Variants in LTBP1 observed in about 807,000 individuals in gnomAD.
LTBP1 encodes the protein latent transforming growth factor beta binding protein 1.
LTBP1 carries 129 observed loss-of-function variants against 207.6 expected under a neutral mutation model. That is an observed-to-expected ratio of 0.62 (90% CI 0.54 to 0.72). The LOEUF (loss-of-function observed/expected upper bound fraction) is 0.72. Ranked by LOEUF, LTBP1 falls within the 30% of genes least tolerant of loss-of-function variation. LTBP1 has a pLI of 0.00. For synonymous variants in LTBP1, 963 were observed against 833.7 expected (o/e 1.16, Z -2.67); for missense variants, 2,281 against 2,217.2 (o/e 1.03, Z -0.58).
chr2:33,329,121 A>G (rs868596820), intron 24 of LTBP1, among the ~76,000 whole-genome samples: 62 of 152,330 alleles, frequency 4.1e-4, no homozygotes, highest in African/African-American at 1.3e-3. Flanking sequence ...ACCAGTTTAC[A>G]CTGCTACCAG....
chr2:33,089,466 C>G (rs1367551775), intron 3 of LTBP1, among the ~76,000 whole-genome samples: 1 of 152,198 alleles, frequency 6.6e-6, no homozygotes, highest in Non-Finnish European at 1.5e-5. Context: ...GAGGGTCCTA[C>G]TGGCATCTAG....
At chr2:33,192,138 A>C (rs2148909266) in intron 7 of LTBP1, among the ~76,000 whole-genome samples, 1 of 152,308 alleles carries the variant, frequency 6.6e-6, no homozygotes, top group African/African-American at 2.4e-5. Context: ...GTCAGAAGAG[A>C]TCAGAGAAGT....
intron 18 of LTBP1, among the ~76,000 whole-genome samples, chr2:33,279,542 C>T (rs1377997785): frequency 1.3e-5 from 2 of 151,762 alleles, no homozygotes; most frequent in Non-Finnish European, 2.9e-5. Context: ...CAAGGAATTC[C>T]TGTCATATGA....
intron 9 of LTBP1, among the ~76,000 whole-genome samples, chr2:33,225,425 A>C (rs2091377240): frequency 6.6e-6 from 1 of 152,244 alleles, no homozygotes; most frequent in Non-Finnish European, 1.5e-5. Flanking sequence ...TTACAGTTCC[A>C]CATGGCTGGG....
At chr2:33,041,242 A>C (rs1157229869) in intron 3 of LTBP1, among the ~76,000 whole-genome samples, 1 of 152,098 alleles carries the variant, frequency 6.6e-6, no homozygotes. Context: ...TTTTCTAGCT[A>C]GATGGCTATC....
intron 26 of LTBP1, among the ~76,000 whole-genome samples, chr2:33,355,228 T>C (rs1037902731): frequency 1.3e-5 from 2 of 152,086 alleles, no homozygotes; most frequent in South Asian, 4.2e-4. Flanking sequence ...ATGTGCTTCC[T>C]ATTCTGACTC....
At position 33,075,784 on chromosome 2, in the gene LTBP1, C is replaced by T. The variant is rs187827313; in HGVS notation, c.864-34798C>T. On this transcript the variant is annotated intron_variant, in intron 3 of 33. Coordinates refer to ENST00000404816, the MANE Select transcript of LTBP1 (RefSeq NM_206943.4). ...GATATAATCCACACTTTTTAGCACA[C>T]GATGCTATTCTGATAAAAGTCACTT... Among the ~76,000 whole-genome samples the T allele has an allele frequency of 9.8e-5, 15 of 152,296 alleles. No homozygotes were observed. The East Asian group carries it at 2.7e-3, about 27-fold the overall frequency.
chr2:33,067,796 T>C (rs1405561854), intron 3 of LTBP1, among the ~76,000 whole-genome samples: 1 of 152,158 alleles, frequency 6.6e-6, no homozygotes, highest in East Asian at 1.9e-4. Flanking sequence ...GGAACTAATC[T>C]CCCATGGATA....
chr2:32,947,445 G>C lies in LTBP1; in HGVS notation c.121G>C (p.Gly41Arg), dbSNP rs1676347257. ...GCACCCGGGCCCCGGCCTGGCAGCCGGCGCCTTGCCCCTGAGCGGGCCCCC... is the reference window on the plus strand; with the variant it reads ...GCACCCGGGCCCCGGCCTGGCAGCCCGCGCCTTGCCCCTGAGCGGGCCCCC... The part of the protein sequence containing the change: ...VVHPGPGLAA[G>R]ALPLSGPPRS... The change falls in exon 1 of 34, where the codon GGC becomes CGC. Residue 41 changes from glycine (G) to arginine (R), a missense_variant. By Grantham distance (125) the Gly-to-Arg change is moderately radical. Around this residue, in one of 3 missense-constraint regions of LTBP1, gnomAD observed 555 missense variants for 491.0 expected, o/e 1.13. Coordinates refer to ENST00000404816, the MANE Select transcript of LTBP1 (RefSeq NM_206943.4). 3 of 1,443,386 alleles carry C rather than the reference G, an allele frequency of 2.1e-6. No homozygotes were observed. Among genetic ancestry groups the C allele is most frequent in the African/African-American group, 1.5e-5 (1 of 67,588 alleles). The allele number at this position is 1,443,386 out of a possible 1,614,324, so 89.4% of individuals were successfully genotyped here.
chr2:33,118,766 T>C (rs1177745187), intron 4 of LTBP1, among the ~76,000 whole-genome samples: 1 of 152,192 alleles, frequency 6.6e-6, no homozygotes, highest in Admixed American at 6.5e-5. Context: ...CCATGCACGT[T>C]ATCCTGGGTT....
At position 32,947,370 on chromosome 2, in the gene LTBP1, C is replaced by T; in HGVS notation, c.46C>T (p.Leu16Phe). The T allele has an allele frequency of 1.5e-6, 2 of 1,358,872 alleles. No homozygotes were observed. The highest frequency in any genetic ancestry group is 1.7e-5 in the South Asian group (1 of 58,098). The allele number at this position is 1,358,872 out of a possible 1,614,324, so 84.2% of individuals were successfully genotyped here. A position where few individuals can be genotyped will look rare whatever the true frequency, so the allele number is the denominator to read the frequency against. Residue 16 changes from leucine (L) to phenylalanine (F), a missense_variant, in exon 1 of 34, where the codon CTC (leucine) becomes TTC (phenylalanine). Transcript: ENST00000404816. Reference protein sequence around the residue: ...LRWGLLLWAGLLASSAHGRLR... With the variant: ...LRWGLLLWAGFLASSAHGRLR... ...GTGGGGGCTCCTGCTCTGGGCAGGG[C>T]TCCTCGCGTCCTCGGCGCACGGCCG... is the stretch of plus-strand genomic sequence containing the variant.
At chr2:33,060,839 A>G (rs1325842177) in intron 3 of LTBP1, among the ~76,000 whole-genome samples, 1 of 152,194 alleles carries the variant, frequency 6.6e-6, no homozygotes, top group Non-Finnish European at 1.5e-5. Context: ...AACTCATGTT[A>G]TAGTGATTGA....
chr2:33,327,933 C>G (rs1434588663), intron 24 of LTBP1, among the ~76,000 whole-genome samples: 2 of 151,398 alleles, frequency 1.3e-5, no homozygotes, highest in Admixed American at 1.3e-4. Flanking sequence ...GTCAGCAGTT[C>G]GAGACCACCC....
intron 7 of LTBP1, among the ~76,000 whole-genome samples, chr2:33,192,188 T>C (rs1325056380): frequency 6.6e-6 from 1 of 152,182 alleles, no homozygotes; most frequent in Non-Finnish European, 1.5e-5. Flanking sequence ...TGCACAAATA[T>C]TAAGCCTCTT....
chr2:33,074,796 G>A (rs1470675305), intron 3 of LTBP1, among the ~76,000 whole-genome samples: 2 of 151,770 alleles, frequency 1.3e-5, no homozygotes, highest in Admixed American at 6.6e-5. Flanking sequence ...CGTGAACCGA[G>A]GAGGTGGAGG....
At chr2:33,204,284 T>C (rs2089643621) in intron 7 of LTBP1, among the ~76,000 whole-genome samples, 1 of 150,640 alleles carries the variant, frequency 6.6e-6, no homozygotes, top group Admixed American at 6.6e-5. Flanking sequence ...TTCAACAAGG[T>C]CACTGTATGA....
chr2:33,105,951 TC>T (rs1297237897), intron 3 of LTBP1, among the ~76,000 whole-genome samples: 1 of 152,224 alleles, frequency 6.6e-6, no homozygotes, highest in Non-Finnish European at 1.5e-5. Flanking sequence ...AAAATGAAAG[TC>T]AGTCCTCTCA....
At chr2:33,085,547 C>T (rs2078698226) in intron 3 of LTBP1, among the ~76,000 whole-genome samples, 1 of 152,166 alleles carries the variant, frequency 6.6e-6, no homozygotes, top group Non-Finnish European at 1.5e-5. Flanking sequence ...GTAGCAATTA[C>T]TGTGTGTTGA....
intron 31 of LTBP1, among the ~76,000 whole-genome samples, chr2:33,378,572 T>C (rs1230145911): frequency 1.3e-5 from 2 of 152,160 alleles, no homozygotes; most frequent in African/African-American, 2.4e-5. Flanking sequence ...CTTCTTTTTT[T>C]CCTTTTGAAA....
Sources: gnomAD v4.1 joint callset for allele counts (sites outside exome capture counted in the v4.1 genomes callset) on GRCh38, gnomAD v4.1.1 for gene constraint, gnomAD v4.1.1 regional missense constraint, MANE v1.5 for transcripts, NCBI Gene and HGNC (gene_info 2026-07-23, HGNC 2026-07-21) for gene names.